The following PAX5 variants were observed in gnomAD, a reference collection of about 807,000 sequenced individuals.
PAX5 encodes the protein paired box protein Pax-5.
Under a neutral mutation model 43.7 loss-of-function variants are expected in PAX5, and 9 were observed. That is an observed-to-expected ratio of 0.21 (90% CI 0.12 to 0.36). The LOEUF (loss-of-function observed/expected upper bound fraction) is 0.36. Ranked by LOEUF, PAX5 falls within the 10% of genes least tolerant of loss-of-function variation. The pLI is 1.00. For missense variants in PAX5, 383 were observed against 532.7 expected, an observed-to-expected ratio of 0.72 and a Z score of 2.77; for synonymous variants, 228 against 214.3, an observed-to-expected ratio of 1.06 and a Z score of -0.56.
chr9:36,943,457 A>G (rs921658462), intron 6 of PAX5, among the ~76,000 whole-genome samples: 10 of 151,560 alleles, frequency 6.6e-5, no homozygotes, highest in African/African-American at 2.4e-4. Flanking sequence ...TCACAGTACA[A>G]TAAAGCTGAT....
At chr9:36,925,348 G>A (rs1452875739) in intron 6 of PAX5, among the ~76,000 whole-genome samples, 2 of 152,170 alleles carry the variant, frequency 1.3e-5, no homozygotes, top group African/African-American at 2.4e-5. Context: ...GCAAGCCCAG[G>A]TCCTTCTAAG....
intron 8 of PAX5, among the ~76,000 whole-genome samples, chr9:36,877,866 G>C (rs1353541971): frequency 1.3e-5 from 2 of 152,176 alleles, no homozygotes; most frequent in Non-Finnish European, 2.9e-5. Flanking sequence ...CTTGCGATGG[G>C]GAGATCATCC....
chr9:36,992,420 G>A (rs1197110002), intron 5 of PAX5, among the ~76,000 whole-genome samples: 4 of 152,194 alleles, frequency 2.6e-5, no homozygotes, highest in Admixed American at 6.5e-5. Flanking sequence ...AATAGGCAGG[G>A]TTCTGAAACA....
chr9:36,855,444 C>T (rs1009840650), intron 8 of PAX5, among the ~76,000 whole-genome samples: 3 of 152,220 alleles, frequency 2.0e-5, no homozygotes, highest in Admixed American at 2.0e-4. Flanking sequence ...TGCTGTGGTC[C>T]TATTCCAAAA....
intron 9 of PAX5, among the ~76,000 whole-genome samples, chr9:36,843,493 C>T (rs1278052226): frequency 6.6e-6 from 1 of 152,312 alleles, no homozygotes; most frequent in East Asian, 1.9e-4. Flanking sequence ...GGATGACTAT[C>T]CTCAATTTAC....
At chr9:36,997,208 C>T (rs577714214) in intron 5 of PAX5, among the ~76,000 whole-genome samples, 1 of 152,280 alleles carries the variant, frequency 6.6e-6, no homozygotes, top group East Asian at 1.9e-4. Context: ...GGCTGCCCTT[C>T]CTGTGCCCTC....
intron 1 of PAX5, among the ~76,000 whole-genome samples, chr9:37,025,808 A>G (rs146096303): frequency 4.2e-4 from 64 of 152,242 alleles, no homozygotes; most frequent in Non-Finnish European, 7.4e-4. Context: ...GTGGTAACTA[A>G]TTGGCTTCCT....
At chr9:37,002,507 G>A (rs1032577399) in intron 5 of PAX5, 141 bp downstream of exon 5, 12 of 855,602 alleles carry the variant, frequency 1.4e-5, no homozygotes, top group Non-Finnish European at 2.1e-5. Context: ...TTCACGAAAA[G>A]GACAGCGTGC....
At chr9:36,878,098 G>A (rs1826083633) in intron 8 of PAX5, among the ~76,000 whole-genome samples, 1 of 152,198 alleles carries the variant, frequency 6.6e-6, no homozygotes. Flanking sequence ...AGGGAGCATA[G>A]CCCTGGCGAC....
chr9:36,972,058 T>C (rs763236082), intron 5 of PAX5, among the ~76,000 whole-genome samples: 2 of 152,126 alleles, frequency 1.3e-5, no homozygotes, highest in Non-Finnish European at 2.9e-5. Flanking sequence ...AGGAGGAAAA[T>C]ATAAAAACAA....
At chr9:36,962,204 A>G (rs1834031904) in intron 6 of PAX5, among the ~76,000 whole-genome samples, 1 of 116,124 alleles carries the variant, frequency 8.6e-6, no homozygotes, top group Non-Finnish European at 1.9e-5. Context: ...CTCCAAACCT[A>G]TGGCAAGTTC....
At chr9:36,991,967 A>G (rs1012785130) in intron 5 of PAX5, among the ~76,000 whole-genome samples, 3 of 152,170 alleles carry the variant, frequency 2.0e-5, no homozygotes, top group African/African-American at 7.2e-5. Flanking sequence ...ACCTTAAGAC[A>G]TTCTCTTGTT....
chr9:37,012,794 GTTAC>G (rs1422625065), intron 3 of PAX5, among the ~76,000 whole-genome samples: 11 of 152,204 alleles, frequency 7.2e-5, no homozygotes, highest in Non-Finnish European at 1.2e-4. Flanking sequence ...GGTTTGGTGT[GTTAC>G]TTACGTTTTT....
chr9:37,025,773 G>A (rs1588266579), intron 1 of PAX5, among the ~76,000 whole-genome samples: 1 of 152,228 alleles, frequency 6.6e-6, no homozygotes, highest in Admixed American at 6.5e-5. Context: ...CACACGCTGC[G>A]TCTTTCAGAG....
intron 6 of PAX5, among the ~76,000 whole-genome samples, chr9:36,942,574 G>C (rs1230282022): frequency 6.6e-6 from 1 of 152,212 alleles, no homozygotes; most frequent in South Asian, 2.1e-4. Flanking sequence ...GCAAGTCCCT[G>C]CTCTGTTGTA....
At chr9:36,959,113 A>T (rs1446651059) in intron 6 of PAX5, among the ~76,000 whole-genome samples, 1 of 152,206 alleles carries the variant, frequency 6.6e-6, no homozygotes, top group African/African-American at 2.4e-5. Flanking sequence ...CCTCAGGGGA[A>T]CTGCCCTTCA....
At chr9:36,883,749 G>A (rs1826667704) in intron 7 of PAX5, among the ~76,000 whole-genome samples, 1 of 151,486 alleles carries the variant, frequency 6.6e-6, no homozygotes, top group Non-Finnish European at 1.5e-5. Flanking sequence ...TATTTGAAAA[G>A]AACAATAAAA....
chr9:36,964,993 C>T (rs1031503479), intron 6 of PAX5, among the ~76,000 whole-genome samples: 19 of 152,278 alleles, frequency 1.2e-4, no homozygotes, highest in African/African-American at 4.6e-4. Flanking sequence ...TCGTTCCTGC[C>T]GCCTTCCTCT....
chr9:36,916,232 T>C (rs956618902), intron 7 of PAX5, among the ~76,000 whole-genome samples: 5 of 152,200 alleles, frequency 3.3e-5, no homozygotes, highest in Non-Finnish European at 7.3e-5. Flanking sequence ...TTTTTTCTAC[T>C]GATTTCAAAT....
Sources: gnomAD v4.1 joint callset for allele counts (sites outside exome capture counted in the v4.1 genomes callset) on GRCh38, gnomAD v4.1.1 for gene constraint, MANE v1.5 for transcripts, NCBI Gene and HGNC (gene_info 2026-07-23, HGNC 2026-07-21) for gene names.